ROR2: variants seen among roughly 807,000 people sequenced by gnomAD.
ROR2 encodes the protein ROR family WNT receptor 2.
ROR2 carries 33 observed loss-of-function variants against 74.9 expected under a neutral mutation model. The observed-to-expected ratio is 0.44, with a 90% CI of 0.33 to 0.59. The LOEUF is 0.59. Ranked by LOEUF, ROR2 falls within the 20% of genes least tolerant of loss-of-function variation. The pLI, the probability that ROR2 is intolerant of heterozygous loss-of-function variation, is 0.02. For missense variants in ROR2, 1,216 were observed against 1,313.8 expected, an observed-to-expected ratio of 0.93 and a Z score of 1.15; for synonymous variants, 586 against 558.7, an observed-to-expected ratio of 1.05 and a Z score of -0.69.
chr9:91,940,712 TGTCTC>T (rs1831828857), intron 1 of ROR2, among the ~76,000 whole-genome samples: 3 of 134,642 alleles, frequency 2.2e-5, no homozygotes, highest in Admixed American at 7.7e-5. Flanking sequence ...CTCCTGTCTC[TGTCTC>T]GGCCTCCCGA....
rs146680575 is a variant in ROR2 at position 91,821,276 on chromosome 9, G to A, written c.98-45458C>T. 2.4e-3 allele frequency among the ~76,000 whole-genome samples: 368 copies of A among 152,270 alleles called. 1 individual carries two copies. The highest frequency in any genetic ancestry group is 8.2e-3 in the African/African-American group (342 of 41,540). ...CCAGAATTAGGAGAAAGCAAATTTC[G>A]GTTGTTTAAGCCACCCAGTCTGTGG... On this transcript the variant is annotated intron_variant, in intron 1 of 8. Coordinates refer to ENST00000375708, the MANE Select transcript of ROR2 (RefSeq NM_004560.4).
At chr9:91,756,217 C>T in intron 3 of ROR2, 116 bp from the exon 4 acceptor site, 1 of 954,126 alleles carries the variant, frequency 1.0e-6, no homozygotes, top group Non-Finnish European at 1.7e-6. Flanking sequence ...TGGTGGGCAG[C>T]TGTCCTCGGG....
intron 1 of ROR2, among the ~76,000 whole-genome samples, chr9:91,930,472 C>T (rs1204471841): frequency 6.6e-6 from 1 of 152,188 alleles, no homozygotes; most frequent in Non-Finnish European, 1.5e-5. Flanking sequence ...GGATAAAAAC[C>T]CCTTCTCTCC....
intron 1 of ROR2, among the ~76,000 whole-genome samples, chr9:91,941,312 G>GA (rs1831859104): frequency 6.6e-6 from 1 of 152,084 alleles, no homozygotes; most frequent in African/African-American, 2.4e-5. Flanking sequence ...TCTTTACTTT[G>GA]AAACCATTTC....
At chr9:91,924,751 C>T (rs1831353807) in intron 1 of ROR2, among the ~76,000 whole-genome samples, 1 of 151,964 alleles carries the variant, frequency 6.6e-6, no homozygotes, top group African/African-American at 2.4e-5. Context: ...CAAGATCACG[C>T]CAGCCTGGGC....
chr9:91,922,253 A>C (rs567290932), intron 1 of ROR2, among the ~76,000 whole-genome samples: 1 of 152,284 alleles, frequency 6.6e-6, no homozygotes, highest in African/African-American at 2.4e-5. Context: ...TCCCCAAAAA[A>C]AAAAACATGG....
At chr9:91,862,442 G>A (rs1268111262) in intron 1 of ROR2, among the ~76,000 whole-genome samples, 1 of 152,108 alleles carries the variant, frequency 6.6e-6, no homozygotes, top group Non-Finnish European at 1.5e-5. Flanking sequence ...AGGATCAGTT[G>A]AGGCCAAGAG....
intron 1 of ROR2, among the ~76,000 whole-genome samples, chr9:91,873,807 C>T (rs1002045772): frequency 3.9e-5 from 6 of 152,160 alleles, no homozygotes; most frequent in Admixed American, 1.3e-4. Flanking sequence ...AGTCCGAAGC[C>T]GTGTTCTACA....
intron 4 of ROR2, among the ~76,000 whole-genome samples, chr9:91,751,089 G>A (rs905282896): frequency 6.6e-6 from 1 of 152,080 alleles, no homozygotes; most frequent in Non-Finnish European, 1.5e-5. Context: ...ATGCACACCC[G>A]TAATCCTGCT....
At chr9:91,940,431 C>A (rs1653659729) in intron 1 of ROR2, among the ~76,000 whole-genome samples, 1 of 152,064 alleles carries the variant, frequency 6.6e-6, no homozygotes. Flanking sequence ...TAATAAAAAT[C>A]TTAAGAAAGA....
intron 5 of ROR2, among the ~76,000 whole-genome samples, chr9:91,735,120 T>C (rs1160614756): frequency 6.6e-6 from 1 of 152,202 alleles, no homozygotes; most frequent in Non-Finnish European, 1.5e-5. Context: ...TCTCTGCTGA[T>C]CTTTATAGGA....
chr9:91,881,226 A>C (rs540849470), intron 1 of ROR2, among the ~76,000 whole-genome samples: 1 of 152,356 alleles, frequency 6.6e-6, no homozygotes, highest in South Asian at 2.1e-4. Flanking sequence ...GCACTTGACT[A>C]GATAATATGC....
chr9:91,925,336 C>G (rs192752716), intron 1 of ROR2, among the ~76,000 whole-genome samples: 1 of 152,238 alleles, frequency 6.6e-6, no homozygotes, highest in Non-Finnish European at 1.5e-5. Context: ...CCCCAAGATA[C>G]AGCCTTCAGC....
chr9:91,874,950 A>G (rs907403854), intron 1 of ROR2, among the ~76,000 whole-genome samples: 5 of 151,386 alleles, frequency 3.3e-5, no homozygotes, highest in African/African-American at 9.8e-5. Context: ...AAAAAAAAGG[A>G]AAGACAACTG....
At chr9:91,757,672 T>C in intron 2 of ROR2, 113 bp from the exon 3 acceptor site, 2 of 1,150,642 alleles carry the variant, frequency 1.7e-6, no homozygotes, top group Admixed American at 4.1e-5. Context: ...TTTTGTCACC[T>C]ACTAAAATAG....
chr9:91,851,817 G>A (rs1490371774), intron 1 of ROR2, among the ~76,000 whole-genome samples: 4 of 151,924 alleles, frequency 2.6e-5, no homozygotes, highest in Non-Finnish European at 5.9e-5. Flanking sequence ...TCTACTAAAA[G>A]TACAAAGAAT....
chr9:91,768,634 G>C (rs552415096), intron 2 of ROR2, among the ~76,000 whole-genome samples: 1 of 152,176 alleles, frequency 6.6e-6, no homozygotes, highest in African/African-American at 2.4e-5. Flanking sequence ...TTGTCAGAAC[G>C]CTACCCCTGG....
intron 1 of ROR2, among the ~76,000 whole-genome samples, chr9:91,817,918 T>A (rs1828000864): frequency 6.6e-6 from 1 of 152,126 alleles, no homozygotes; most frequent in South Asian, 2.1e-4. Flanking sequence ...TGTTTATAGC[T>A]GTTCCAGACG....
intron 1 of ROR2, among the ~76,000 whole-genome samples, chr9:91,939,558 G>C (rs1831794006): frequency 6.6e-6 from 1 of 151,910 alleles, no homozygotes; most frequent in Non-Finnish European, 1.5e-5. Flanking sequence ...TTTTCTCACT[G>C]ATCTTGTGAA....
Sources: gnomAD v4.1 joint callset for allele counts (sites outside exome capture counted in the v4.1 genomes callset) on GRCh38, gnomAD v4.1.1 for gene constraint, MANE v1.5 for transcripts, NCBI Gene and HGNC (gene_info 2026-07-23, HGNC 2026-07-21) for gene names.